The following RSRC1 variants were observed in gnomAD, a reference collection of about 807,000 sequenced individuals.
The protein encoded by RSRC1 is arginine and serine rich coiled-coil 1.
In RSRC1, 39 loss-of-function variants were observed where a neutral mutation model predicts 49.1. That is an observed-to-expected ratio of 0.79 (90% CI 0.61 to 1.04). RSRC1 has a LOEUF of 1.04. RSRC1 is among the 50% of genes least tolerant of loss of function. The probability of loss-of-function intolerance (pLI) is 0.00; values close to 1 mark genes in which losing one functional copy is unlikely to be tolerated. For synonymous variants in RSRC1, 143 were observed against 130.8 expected, an observed-to-expected ratio of 1.09 and a Z score of -0.63; for missense variants, 388 against 402.4, an observed-to-expected ratio of 0.96 and a Z score of 0.31.
At chr3:158,196,926 C>T (rs1254659233) in intron 3 of RSRC1, among the ~76,000 whole-genome samples, 3 of 152,166 alleles carry the variant, frequency 2.0e-5, no homozygotes, top group African/African-American at 7.2e-5. Flanking sequence ...AGGATTTTTG[C>T]ATCGATGTTC....
At chr3:158,113,165 T>C (rs1331742701) in intron 1 of RSRC1, among the ~76,000 whole-genome samples, 4 of 152,124 alleles carry the variant, frequency 2.6e-5, no homozygotes, top group African/African-American at 9.7e-5. Context: ...TACCCAGTAA[T>C]GGGATTGCTG....
Position 158,129,515 on chromosome 3 carries a change from T to C in RSRC1, c.320+5524T>C, listed in dbSNP as rs542684217. Among the ~76,000 whole-genome samples, 937 of 152,146 alleles carry C rather than the reference T, an allele frequency of 6.2e-3. 9 individuals carry two copies. The highest frequency in any genetic ancestry group is 0.021 in the African/African-American group (886 of 41,486). On this transcript the variant is annotated intron_variant, in intron 3 of 9. Coordinates refer to ENST00000611884, the MANE Select transcript of RSRC1 (RefSeq NM_001271838.2). ...CATGTTGGCCAGGCTGGTCTTGAAC[T>C]CCTGACCTCAAGTGATCCGCCCGCC...
intron 4 of RSRC1, among the ~76,000 whole-genome samples, chr3:158,284,992 G>T (rs1336309785): frequency 2.0e-5 from 3 of 152,186 alleles, no homozygotes; most frequent in Admixed American, 2.0e-4. Flanking sequence ...GAATGGTATT[G>T]CCTAGGTTTT....
chr3:158,500,226 T>C (rs1006795829), intron 7 of RSRC1, among the ~76,000 whole-genome samples: 3 of 152,234 alleles, frequency 2.0e-5, no homozygotes, highest in Admixed American at 6.5e-5. Context: ...TACTTCATCA[T>C]GGTGGGTTAT....
At chr3:158,271,599 A>G (rs979102055) in intron 4 of RSRC1, among the ~76,000 whole-genome samples, 2 of 152,214 alleles carry the variant, frequency 1.3e-5, no homozygotes, top group East Asian at 1.9e-4. Flanking sequence ...TATAGTTTCA[A>G]TATTTTTGCA....
intron 7 of RSRC1, among the ~76,000 whole-genome samples, chr3:158,488,062 C>A (rs932850668): frequency 2.7e-5 from 4 of 149,034 alleles, no homozygotes; most frequent in African/African-American, 9.9e-5. Context: ...CACAAATATT[C>A]TTGATGGCAA....
chr3:158,351,896 A>G (rs1730897150), intron 5 of RSRC1, among the ~76,000 whole-genome samples: 1 of 127,386 alleles, frequency 7.9e-6, no homozygotes, highest in South Asian at 2.1e-4. Flanking sequence ...CTATTATATA[A>G]TATATAATTA....
At chr3:158,529,214 G>GTATA (rs10596761) in intron 7 of RSRC1, among the ~76,000 whole-genome samples, 2,540 of 143,120 alleles carry the variant, frequency 0.018, 81 homozygotes, top group African/African-American at 0.06. Flanking sequence ...ATGTGTGTGT[G>GTATA]TATATATATA....
chr3:158,513,319 G>C (rs1160408200), intron 7 of RSRC1, among the ~76,000 whole-genome samples: 1 of 151,942 alleles, frequency 6.6e-6, no homozygotes, highest in Non-Finnish European at 1.5e-5. Flanking sequence ...AGAGTTTTTA[G>C]CATGAAGGGT....
At chr3:158,239,798 T>C (rs1723464533) in intron 4 of RSRC1, among the ~76,000 whole-genome samples, 1 of 152,202 alleles carries the variant, frequency 6.6e-6, no homozygotes, top group Non-Finnish European at 1.5e-5. Context: ...TTTGGTCAGA[T>C]ATGTGTTGTG....
intron 3 of RSRC1, among the ~76,000 whole-genome samples, chr3:158,170,824 C>T (rs1350093342): frequency 1.3e-5 from 2 of 152,050 alleles, no homozygotes; most frequent in Non-Finnish European, 2.9e-5. Context: ...TTCTCCCCAG[C>T]CCTCCTTTGA....
chr3:158,216,105 A>G (rs986074819), intron 4 of RSRC1, among the ~76,000 whole-genome samples: 3 of 151,578 alleles, frequency 2.0e-5, no homozygotes, highest in African/African-American at 7.3e-5. Context: ...TTATAAGTAG[A>G]CATATATTTT....
chr3:158,289,272 T>C (rs1158780721), intron 4 of RSRC1, among the ~76,000 whole-genome samples: 2 of 152,218 alleles, frequency 1.3e-5, no homozygotes, highest in African/African-American at 4.8e-5. Flanking sequence ...AGACCCTTTC[T>C]GTGAACTCTG....
chr3:158,366,963 G>A (rs1276794776), intron 6 of RSRC1, among the ~76,000 whole-genome samples: 1 of 152,096 alleles, frequency 6.6e-6, no homozygotes, highest in Non-Finnish European at 1.5e-5. Flanking sequence ...CTCATGTATA[G>A]GAATGCTTGT....
chr3:158,278,651 G>A (rs1725956451), intron 4 of RSRC1, among the ~76,000 whole-genome samples: 1 of 152,160 alleles, frequency 6.6e-6, no homozygotes, highest in South Asian at 2.1e-4. Flanking sequence ...TCAACAGTTT[G>A]AACAACTGTT....
rs1713277717 is a variant in RSRC1, at chr3:158,545,219, T to TTTTTTTTTTTTTTTTTTTTTTG, written c.*944_*945insTTTTTTTTTTTTTTTTTTTTTG. The TTTTTTTTTTTTTTTTTTTTTTG allele has an allele frequency of 7.2e-6, 1 of 138,836 alleles. No individual in the cohort carries two copies. Among genetic ancestry groups the TTTTTTTTTTTTTTTTTTTTTTG allele is most frequent in the African/African-American group, 2.8e-5 (1 of 35,130 alleles). 8.6% of individuals were successfully genotyped at this position (138,836 alleles called of 1,614,324 possible). On this transcript the variant is annotated 3_prime_UTR_variant, in exon 10 of 10. Transcript: ENST00000611884. ...TTTTTTTTTTTTTTTTTTTTTTTTT[T>TTTTTTTTTTTTTTTTTTTTTTG]GAGACGGAGTCTCGCTCTATCCCCC...
intron 7 of RSRC1, among the ~76,000 whole-genome samples, chr3:158,472,797 G>A (rs1235168352): frequency 4.6e-5 from 7 of 152,132 alleles, no homozygotes; most frequent in Non-Finnish European, 1.5e-5. Flanking sequence ...TAGGTTGCCT[G>A]TTCACTCTGA....
intron 1 of RSRC1, among the ~76,000 whole-genome samples, chr3:158,111,696 T>C (rs1714420161): frequency 6.6e-6 from 1 of 152,238 alleles, no homozygotes; most frequent in South Asian, 2.1e-4. Flanking sequence ...GAAATAACCA[T>C]TGTTTTCACT....
At chr3:158,218,904 A>G (rs895182233) in intron 4 of RSRC1, among the ~76,000 whole-genome samples, 1 of 151,684 alleles carries the variant, frequency 6.6e-6, no homozygotes, top group Non-Finnish European at 1.5e-5. Context: ...GCAAAGATGA[A>G]TAAGACACGG....
Sources: allele counts gnomAD v4.1 joint callset (sites outside exome capture counted in the v4.1 genomes callset), GRCh38; gene constraint gnomAD v4.1.1; transcripts MANE v1.5; gene names NCBI Gene and HGNC (gene_info 2026-07-23, HGNC 2026-07-21).